ASNS: variants seen among roughly 807,000 people sequenced by gnomAD.
The protein encoded by ASNS is asparagine synthetase [glutamine-hydrolyzing].
In ASNS, 37 loss-of-function variants were observed where a neutral mutation model predicts 62.6. That is an observed-to-expected ratio of 0.59 (90% confidence interval 0.45 to 0.78). ASNS has a LOEUF of 0.78. Ranked by LOEUF, ASNS falls within the 30% of genes least tolerant of loss-of-function variation. The probability of loss-of-function intolerance (pLI) is 0.00; values close to 1 mark genes in which losing one functional copy is unlikely to be tolerated. For synonymous variants in ASNS, 207 were observed against 237.9 expected (o/e 0.87, Z 1.19); for missense variants, 520 against 682.4 (o/e 0.76, Z 2.65).
chr7:97,878,360 G>C, the ASNS span, among the ~76,000 whole-genome samples: 1 of 152,214 alleles, frequency 6.6e-6, no homozygotes. Context: ...TCATGAGAGA[G>C]TCGTGATCGA....
intron 4 of ASNS, among the ~76,000 whole-genome samples, chr7:97,861,223 A>G (rs553854685): frequency 7.3e-4 from 111 of 152,234 alleles, no homozygotes; most frequent in Non-Finnish European, 1.5e-3. Flanking sequence ...TGTGTTAGCC[A>G]GGATGGTCTC....
chr7:97,888,602 A>G, the ASNS span, among the ~76,000 whole-genome samples: 1 of 152,194 alleles, frequency 6.6e-6, no homozygotes, highest in Admixed American at 6.5e-5. Flanking sequence ...AAAGTTTGCC[A>G]TTCCCTAGTC....
the ASNS span, among the ~76,000 whole-genome samples, chr7:97,880,671 G>A: frequency 1.2e-4 from 19 of 152,292 alleles, no homozygotes; most frequent in African/African-American, 3.6e-4. Flanking sequence ...GCAGCTGGTT[G>A]TTAAGACTGC....
the ASNS span, among the ~76,000 whole-genome samples, chr7:97,905,192 C>A: frequency 1.3e-5 from 2 of 152,190 alleles, no homozygotes; most frequent in Admixed American, 6.5e-5. Context: ...CTCCTGCCTC[C>A]TCATCCCTCT....
At chr7:97,912,591 T>TTTTTTTTTTTTC in the ASNS span, among the ~76,000 whole-genome samples, 18 of 79,380 alleles carry the variant, frequency 2.3e-4, 2 homozygotes, top group African/African-American at 3.1e-4. Flanking sequence ...TTTTTTTTTT[T>TTTTTTTTTTTTC]TTCTGTTTTC....
chr7:97,926,683 C>T, the ASNS span, among the ~76,000 whole-genome samples: 4 of 152,142 alleles, frequency 2.6e-5, no homozygotes, highest in African/African-American at 4.8e-5. Flanking sequence ...ATACAGGCGC[C>T]GCGAAAAGAG....
chr7:97,870,409 G>A, intron 1 of ASNS: 1 of 261,760 alleles, frequency 3.8e-6, no homozygotes, highest in Non-Finnish European at 7.2e-6. Context: ...ACACCCTAAG[G>A]AAAAAATATA....
chr7:97,907,310 A>G, the ASNS span, among the ~76,000 whole-genome samples: 1 of 152,262 alleles, frequency 6.6e-6, no homozygotes, highest in Non-Finnish European at 1.5e-5. Flanking sequence ...AAACTCCCTT[A>G]TAAATCAAGA....
At chr7:97,855,572 A>G (rs529366198) in intron 8 of ASNS, 113 bp from the exon 9 acceptor site, 1 of 634,028 alleles carries the variant, frequency 1.6e-6, no homozygotes, top group South Asian at 2.5e-5. Context: ...TGGACTTCAT[A>G]TTAATATAAA....
chr7:97,870,676 T>C (rs1355290223), intron 1 of ASNS, among the ~76,000 whole-genome samples: 1 of 152,232 alleles, frequency 6.6e-6, no homozygotes, highest in Admixed American at 6.5e-5. Context: ...AAGATTTAAA[T>C]GAGATGACTA....
At chr7:97,890,473 A>G in the ASNS span, among the ~76,000 whole-genome samples, 8 of 152,026 alleles carry the variant, frequency 5.3e-5, no homozygotes, top group Non-Finnish European at 8.8e-5. Context: ...TCAGGCTAAC[A>G]GGGGATTTCT....
the ASNS span, among the ~76,000 whole-genome samples, chr7:97,882,363 A>G: frequency 2.0e-5 from 3 of 152,192 alleles, no homozygotes; most frequent in South Asian, 2.1e-4. Context: ...GCTGGCCAAC[A>G]TGGTGAAACC....
chr7:97,900,725 C>T, the ASNS span, among the ~76,000 whole-genome samples: 1 of 152,196 alleles, frequency 6.6e-6, no homozygotes, highest in South Asian at 2.1e-4. Context: ...AAAAAATCAC[C>T]CTCTGCTCCA....
chr7:97,857,887 A>AT, intron 7 of ASNS, among the ~76,000 whole-genome samples: 1 of 151,738 alleles, frequency 6.6e-6, no homozygotes, highest in East Asian at 1.9e-4. Flanking sequence ...TAGTTTTTGT[A>AT]TTTTTTTGTA....
the ASNS span, among the ~76,000 whole-genome samples, chr7:97,905,846 T>C: frequency 6.6e-6 from 1 of 152,236 alleles, no homozygotes; most frequent in African/African-American, 2.4e-5. Flanking sequence ...CATATAATCA[T>C]GCTTAAGTCT....
At position 97,853,078 on chromosome 7, in the gene ASNS, C is replaced by T; in HGVS notation, c.1458G>A (p.Gln486=). The T allele has an allele frequency of 6.3e-7, 1 of 1,585,048 alleles. No individual in the cohort carries two copies. Among genetic ancestry groups the T allele is most frequent in the Non-Finnish European group, 8.6e-7 (1 of 1,169,346 alleles). Residue 486 remains glutamine (Q), a synonymous_variant, in exon 12 of 13, where the codon CAG becomes CAA. Transcript: ENST00000394308. ...SVKNSWFKIL[Q]EYVEHQVDDA... is the part of the protein sequence containing the mutation. ...ATTATACCTGATGTTCAACGTATTC[C>T]TGTAAAATCTTAAACCAGGAATTCT...
At chr7:97,894,501 A>T in the ASNS span, among the ~76,000 whole-genome samples, 1 of 145,880 alleles carries the variant, frequency 6.9e-6, no homozygotes, top group East Asian at 2.0e-4. Context: ...AAAAAAAAAA[A>T]AAAGACCCAA....
chr7:97,868,496 C>T (rs1185340690), intron 3 of ASNS, among the ~76,000 whole-genome samples: 1 of 145,864 alleles, frequency 6.9e-6, no homozygotes, highest in Non-Finnish European at 1.5e-5. Flanking sequence ...CTGCACTGTA[C>T]TCTCAAATGA....
At chr7:97,873,124 C>A (rs1212035776), upstream of ASNS, among the ~76,000 whole-genome samples, 1 of 152,182 alleles carries the variant, frequency 6.6e-6, no homozygotes, top group African/African-American at 2.4e-5. Flanking sequence ...CATCAGTGGT[C>A]CTTAAACATT....
Sources: allele counts gnomAD v4.1 joint callset (sites outside exome capture counted in the v4.1 genomes callset), GRCh38; gene constraint gnomAD v4.1.1; transcripts MANE v1.5; gene names NCBI Gene and HGNC (gene_info 2026-07-23, HGNC 2026-07-21).